AFG2A: variants seen among roughly 807,000 people sequenced by gnomAD.
The protein encoded by AFG2A is ATPase family gene 2 protein homolog A.
At chr4:123,173,339 G>A in the AFG2A span, among the ~76,000 whole-genome samples, 6 of 104,460 alleles carry the variant, frequency 5.7e-5, no homozygotes, top group Non-Finnish European at 9.0e-5. Context: ...TAAGTCCAAT[G>A]GTTTTTTTTT....
the AFG2A span, among the ~76,000 whole-genome samples, chr4:123,059,307 C>T: frequency 7.5e-6 from 1 of 133,802 alleles, no homozygotes; most frequent in African/African-American, 2.6e-5. Context: ...TCCCCCCTCC[C>T]CCGACCCCAC....
At chr4:123,001,734 A>G in the AFG2A span, among the ~76,000 whole-genome samples, 2 of 152,098 alleles carry the variant, frequency 1.3e-5, no homozygotes, top group Admixed American at 1.3e-4. Context: ...CTATGTGGTC[A>G]ATTTTGGAAT....
At chr4:122,997,026 C>G in the AFG2A span, among the ~76,000 whole-genome samples, 1 of 152,158 alleles carries the variant, frequency 6.6e-6, no homozygotes, top group African/African-American at 2.4e-5. Flanking sequence ...TGACTCACAC[C>G]ATTCTCTGGA....
chr4:122,935,837 T>C, the AFG2A span: 7 of 1,607,506 alleles, frequency 4.4e-6, no homozygotes, highest in South Asian at 7.8e-5. Flanking sequence ...CCTGAAATTA[T>C]AAGCAAGTAA....
At chr4:122,944,426 A>T in the AFG2A span, among the ~76,000 whole-genome samples, 1 of 152,142 alleles carries the variant, frequency 6.6e-6, no homozygotes, top group African/African-American at 2.4e-5. Flanking sequence ...AGTTGATCGC[A>T]TCGGCTCCTG....
the AFG2A span, among the ~76,000 whole-genome samples, chr4:122,976,661 C>T: frequency 6.6e-6 from 1 of 152,140 alleles, no homozygotes; most frequent in Non-Finnish European, 1.5e-5. Flanking sequence ...TCAAATCTTA[C>T]ATGTATGCAC....
the AFG2A span, among the ~76,000 whole-genome samples, chr4:122,961,872 C>A: frequency 6.6e-6 from 1 of 152,196 alleles, no homozygotes; most frequent in African/African-American, 2.4e-5. Flanking sequence ...CATAGAGCAA[C>A]AGTAGTAGGA....
At chr4:122,923,112 T>C in the AFG2A span, 1 of 1,612,954 alleles carries the variant, frequency 6.2e-7, no homozygotes, top group South Asian at 1.1e-5. Context: ...AGTCGGCTTT[T>C]CTACTGCTTC....
chr4:123,298,719 T>A, the AFG2A span, among the ~76,000 whole-genome samples: 1 of 152,300 alleles, frequency 6.6e-6, no homozygotes, highest in South Asian at 2.1e-4. Flanking sequence ...GGGATTTTTC[T>A]TAAAGAAAAC....
chr4:123,213,380 C>T, the AFG2A span, among the ~76,000 whole-genome samples: 1 of 152,046 alleles, frequency 6.6e-6, no homozygotes, highest in Non-Finnish European at 1.5e-5. Context: ...CTAACAACAA[C>T]AAAAATCTTA....
At chr4:123,157,086 G>C in the AFG2A span, among the ~76,000 whole-genome samples, 2 of 151,836 alleles carry the variant, frequency 1.3e-5, no homozygotes, top group South Asian at 4.2e-4. Flanking sequence ...TGCAATCTTG[G>C]CTCACTGCAA....
At chr4:123,122,646 A>T in the AFG2A span, among the ~76,000 whole-genome samples, 1 of 152,168 alleles carries the variant, frequency 6.6e-6, no homozygotes, top group East Asian at 1.9e-4. Context: ...AATGAAGGAA[A>T]ATACCAGAAA....
At chr4:123,023,289 A>C in the AFG2A span, among the ~76,000 whole-genome samples, 1 of 152,170 alleles carries the variant, frequency 6.6e-6, no homozygotes, top group Admixed American at 6.5e-5. Context: ...TGAGGGGTTC[A>C]ACTGTAATCC....
At chr4:123,302,859 T>C in the AFG2A span, among the ~76,000 whole-genome samples, 1 of 152,224 alleles carries the variant, frequency 6.6e-6, no homozygotes, top group African/African-American at 2.4e-5. Flanking sequence ...ATGGAAACAT[T>C]TGCACTGAAC....
the AFG2A span, among the ~76,000 whole-genome samples, chr4:123,164,064 C>A: frequency 6.6e-6 from 1 of 152,142 alleles, no homozygotes; most frequent in Non-Finnish European, 1.5e-5. Flanking sequence ...TTTGCTCTTT[C>A]TCTGCACATT....
At chr4:123,223,002 G>A in the AFG2A span, among the ~76,000 whole-genome samples, 1 of 152,066 alleles carries the variant, frequency 6.6e-6, no homozygotes, top group African/African-American at 2.4e-5. Context: ...TGAACGTGAG[G>A]GTGCTAATAT....
At chr4:123,223,108 G>A in the AFG2A span, among the ~76,000 whole-genome samples, 3 of 152,084 alleles carry the variant, frequency 2.0e-5, no homozygotes, top group Non-Finnish European at 4.4e-5. Context: ...TTTGAGGAAC[G>A]TTCTTACTCT....
At chr4:123,017,274 G>A in the AFG2A span, among the ~76,000 whole-genome samples, 1 of 142,236 alleles carries the variant, frequency 7.0e-6, no homozygotes, top group Non-Finnish European at 1.5e-5. Context: ...GAGCGAGAGC[G>A]AGAGCTGACA....
At chr4:123,226,586 T>C in the AFG2A span, among the ~76,000 whole-genome samples, 1 of 152,214 alleles carries the variant, frequency 6.6e-6, no homozygotes, top group Admixed American at 6.5e-5. Flanking sequence ...GATAAGCTTT[T>C]TGATGGGCTG....
Sources: gnomAD v4.1 joint callset for allele counts (sites outside exome capture counted in the v4.1 genomes callset) on GRCh38, gnomAD v4.1.1 for gene constraint, MANE v1.5 for transcripts, NCBI Gene and HGNC (gene_info 2026-07-23, HGNC 2026-07-21) for gene names.